Variants in MEGF9 observed in about 807,000 individuals in gnomAD.
The protein encoded by MEGF9 is multiple EGF like domains 9.
Under a neutral mutation model 46.8 loss-of-function variants are expected in MEGF9, and 6 were observed. That is an observed-to-expected ratio of 0.13 (90% confidence interval 0.07 to 0.25). The LOEUF is 0.25. Ranked by LOEUF, MEGF9 falls within the 10% of genes least tolerant of loss-of-function variation. The pLI, the probability that MEGF9 is intolerant of heterozygous loss-of-function variation, is 1.00. For missense variants in MEGF9, 683 were observed against 792.4 expected, an observed-to-expected ratio of 0.86 and a Z score of 1.66; for synonymous variants, 302 against 330.7, an observed-to-expected ratio of 0.91 and a Z score of 0.94.
Position 120,680,870 on chromosome 9 carries a change from T to G in MEGF9, c.602-21295A>C, listed in dbSNP as rs537183244. The stretch of plus-strand genomic sequence containing the variant: ...ATGTTCATTTAAGGCCCAAGGGCTC[T>G]TCCATCAGCTTGTGGTGAATGCTGC... On this transcript the variant is annotated intron_variant, in intron 1 of 5. Coordinates refer to ENST00000373930, the MANE Select transcript of MEGF9 (RefSeq NM_001080497.3). 2.6e-5 allele frequency among the ~76,000 whole-genome samples: 4 copies of G among 152,232 alleles called. No homozygotes were observed. The South Asian group carries it at 8.3e-4, about 32-fold the overall frequency.
At chr9:120,662,351 C>G (rs1431900091) in intron 1 of MEGF9, among the ~76,000 whole-genome samples, 1 of 152,214 alleles carries the variant, frequency 6.6e-6, no homozygotes, top group Non-Finnish European at 1.5e-5. Flanking sequence ...AACCTATTCT[C>G]TATTTTAAGA....
At chr9:120,616,655 G>T (rs948747679) in intron 3 of MEGF9, among the ~76,000 whole-genome samples, 1 of 142,454 alleles carries the variant, frequency 7.0e-6, no homozygotes, top group Admixed American at 7.4e-5. Flanking sequence ...TCCAGCCTGG[G>T]TGACAGAGCA....
At chr9:120,643,047 A>C (rs1427847687) in intron 2 of MEGF9, among the ~76,000 whole-genome samples, 1 of 152,246 alleles carries the variant, frequency 6.6e-6, no homozygotes, top group Non-Finnish European at 1.5e-5. Context: ...ATGTCAAAAT[A>C]ATCATGGCTG....
intron 1 of MEGF9, among the ~76,000 whole-genome samples, chr9:120,667,080 C>T (rs976291966): frequency 1.3e-5 from 2 of 151,980 alleles, no homozygotes; most frequent in African/African-American, 2.4e-5. Flanking sequence ...TTAAAATATG[C>T]AAAAAAATTT....
chr9:120,611,865 A>AGGGAGGAAGGAAGGAAGGAAG (rs572613293), intron 4 of MEGF9, among the ~76,000 whole-genome samples: 4 of 137,150 alleles, frequency 2.9e-5, no homozygotes, highest in African/African-American at 8.9e-5. Flanking sequence ...GGAAGGAAGA[A>AGGGAGGAAGGAAGGAAGGAAG]AGAGAGAGAG....
chr9:120,709,839 A>G (rs1402078149), intron 1 of MEGF9, among the ~76,000 whole-genome samples: 4 of 151,894 alleles, frequency 2.6e-5, no homozygotes, highest in African/African-American at 4.8e-5. Flanking sequence ...ACCTGAGGTC[A>G]GAAGTTCGAG....
intron 3 of MEGF9, among the ~76,000 whole-genome samples, chr9:120,615,163 C>T (rs1294212064): frequency 2.7e-5 from 4 of 150,360 alleles, no homozygotes; most frequent in South Asian, 2.1e-4. Context: ...CACTTGAATC[C>T]GGAAAGCAGA....
intron 2 of MEGF9, among the ~76,000 whole-genome samples, chr9:120,636,613 G>T (rs1466145349): frequency 6.6e-6 from 1 of 152,222 alleles, no homozygotes; most frequent in Admixed American, 6.5e-5. Context: ...ACTTGCAACA[G>T]TTAACTTAAT....
chr9:120,711,263 A>C (rs2043951443), intron 1 of MEGF9, among the ~76,000 whole-genome samples: 1 of 152,266 alleles, frequency 6.6e-6, no homozygotes, highest in African/African-American at 2.4e-5. Context: ...TGGTTAAATA[A>C]ATTATGATAC....
In MEGF9 at chr9:120,659,485, T is replaced by C. The variant is rs767495565; in HGVS notation, c.692A>G (p.Gln231Arg). The C allele has an allele frequency of 6.2e-7, 1 of 1,613,816 alleles. No homozygotes were observed. Among genetic ancestry groups the C allele is most frequent in the Admixed American group, 1.7e-5 (1 of 59,990 alleles). The stretch of plus-strand genomic sequence containing the variant: ...TTTGCAGGTTTCACAGTGAAGCCCC[T>C]GATAACCTGGCCGACACTCACACTG... ...TGQCECRPGY[Q>R]GLHCETCKEG... The change falls in exon 2 of 6, where the codon CAG becomes CGG. Residue 231 changes from glutamine (Q) to arginine (R), a missense_variant. Gln to Arg is a conservative substitution (Grantham distance 43, BLOSUM62 1). This residue lies in a region of MEGF9 where 370 missense variants were observed against 371.3 expected (regional missense o/e 1.00). Coordinates refer to ENST00000373930, the MANE Select transcript of MEGF9 (RefSeq NM_001080497.3).
intron 3 of MEGF9, among the ~76,000 whole-genome samples, chr9:120,614,795 A>G (rs1326038397): frequency 1.3e-5 from 2 of 150,422 alleles, no homozygotes; most frequent in Non-Finnish European, 3.0e-5. Flanking sequence ...AAATACCTGA[A>G]AAAAAAAAAG....
At chr9:120,639,692 T>A (rs2043593768) in intron 2 of MEGF9, among the ~76,000 whole-genome samples, 1 of 152,132 alleles carries the variant, frequency 6.6e-6, no homozygotes, top group South Asian at 2.1e-4. Flanking sequence ...TAATATGTGG[T>A]AAGCACATAT....
intron 4 of MEGF9, 137 bp downstream of exon 4, chr9:120,612,259 G>C (rs1041281117): frequency 8.6e-6 from 6 of 699,872 alleles, no homozygotes; most frequent in Admixed American, 3.4e-5. Context: ...ATAAATTCCT[G>C]GAAAGGAAAA....
chr9:120,695,344 G>A (rs528810628), intron 1 of MEGF9, among the ~76,000 whole-genome samples: 5 of 152,080 alleles, frequency 3.3e-5, no homozygotes, highest in East Asian at 3.9e-4. Flanking sequence ...GGTAGCTCAC[G>A]CCTGTAATCC....
Position 120,687,065 on chromosome 9 carries a change from CA to C in MEGF9, c.601+26692del, listed in dbSNP as rs924148782. On this transcript the variant is annotated intron_variant, in intron 1 of 5. Coordinates refer to ENST00000373930, the MANE Select transcript of MEGF9 (RefSeq NM_001080497.3). ...GCTATATGTTTTAATGCTTTCCCTC[CA>C]AAAAAAATATCTAATTTTAAGGAGA... Among the ~76,000 whole-genome samples, 17 of 151,326 alleles carry C rather than the reference CA, an allele frequency of 1.1e-4. 1 individual carries two copies. The highest frequency in any genetic ancestry group is 8.4e-4 in the South Asian group (4 of 4,782).
chr9:120,618,761 GT>G (rs1378113012), intron 3 of MEGF9, among the ~76,000 whole-genome samples: 13 of 151,930 alleles, frequency 8.6e-5, no homozygotes, highest in Admixed American at 2.6e-4. Flanking sequence ...AGCTGGGCGT[GT>G]GATGGTGGGC....
At chr9:120,649,640 C>T (rs547438682) in intron 2 of MEGF9, among the ~76,000 whole-genome samples, 2 of 152,254 alleles carry the variant, frequency 1.3e-5, no homozygotes, top group East Asian at 3.9e-4. Flanking sequence ...ATTTTTCTTA[C>T]ATATATGTAT....
chr9:120,687,526 A>AC (rs2043828052), intron 1 of MEGF9, among the ~76,000 whole-genome samples: 1 of 152,204 alleles, frequency 6.6e-6, no homozygotes, highest in African/African-American at 2.4e-5. Flanking sequence ...GATATTGTGG[A>AC]CTATTCATAC....
chr9:120,713,503 G>T (rs2043962307), intron 1 of MEGF9, among the ~76,000 whole-genome samples: 1 of 152,204 alleles, frequency 6.6e-6, no homozygotes, highest in Admixed American at 6.5e-5. Context: ...AGAAAGCCCT[G>T]TTGGGAAGAA....
Sources: allele counts gnomAD v4.1 joint callset (sites outside exome capture counted in the v4.1 genomes callset), GRCh38; gene constraint gnomAD v4.1.1; regional missense constraint gnomAD v4.1.1; transcripts MANE v1.5; gene names NCBI Gene and HGNC (gene_info 2026-07-23, HGNC 2026-07-21).